Variants in ASTN2 observed in about 807,000 individuals in gnomAD.
ASTN2 encodes astrotactin 2.
Under a neutral mutation model 139.8 loss-of-function variants are expected in ASTN2, and 54 were observed. The ratio of observed to expected loss-of-function variants is 0.39; its 90% CI spans 0.31 to 0.48. The LOEUF (loss-of-function observed/expected upper bound fraction) is 0.48, where lower values mean the gene tolerates loss of function less well. ASTN2 is among the 20% of genes least tolerant of loss of function. The pLI is 0.95. For synonymous variants in ASTN2, 756 were observed against 719.5 expected, an observed-to-expected ratio of 1.05 and a Z score of -0.81; for missense variants, 1,565 against 1,725.1, an observed-to-expected ratio of 0.91 and a Z score of 1.64.
intron 1 of ASTN2, among the ~76,000 whole-genome samples, chr9:117,318,035 T>C (rs1828202939): frequency 6.6e-6 from 1 of 152,208 alleles, no homozygotes; most frequent in South Asian, 2.1e-4. Flanking sequence ...TCCTTCTTTC[T>C]TTTGAACTCC....
intron 3 of ASTN2, among the ~76,000 whole-genome samples, chr9:117,186,829 G>A (rs1831212367): frequency 6.6e-6 from 1 of 152,064 alleles, no homozygotes; most frequent in Non-Finnish European, 1.5e-5. Context: ...GGGTCAAATG[G>A]TGGCAAAAAT....
At chr9:116,833,741 C>T (rs894847454) in intron 11 of ASTN2, among the ~76,000 whole-genome samples, 4 of 152,092 alleles carry the variant, frequency 2.6e-5, no homozygotes, top group African/African-American at 9.7e-5. Context: ...TCTGTTATAT[C>T]TATTATGGGC....
intron 17 of ASTN2, among the ~76,000 whole-genome samples, chr9:116,635,367 C>T (rs1397414440): frequency 2.0e-5 from 3 of 152,126 alleles, no homozygotes; most frequent in Non-Finnish European, 4.4e-5. Context: ...AACCATGGTT[C>T]TCTCTATGAC....
chr9:117,016,610 C>A (rs7467097), intron 6 of ASTN2, among the ~76,000 whole-genome samples: 2,844 of 21,456 alleles, frequency 0.13, 284 homozygotes, highest in African/African-American at 0.2. Context: ...ATATCTATAT[C>A]TATATCTATC....
intron 3 of ASTN2, 118 bp from the exon 4 acceptor site, chr9:117,141,596 A>G (rs1160047741): frequency 1.1e-6 from 1 of 914,100 alleles, no homozygotes; most frequent in African/African-American, 1.8e-5. Flanking sequence ...AGACCTGGCC[A>G]CCCTAATTCC....
intron 19 of ASTN2, among the ~76,000 whole-genome samples, chr9:116,511,489 C>T (rs1850377248): frequency 6.6e-6 from 1 of 152,090 alleles, no homozygotes; most frequent in Non-Finnish European, 1.5e-5. Flanking sequence ...CTCTGCCAGG[C>T]TTTGGTATTA....
chr9:116,724,023 T>A lies in ASTN2; in HGVS notation c.2806+1748A>T, dbSNP rs1272933732. Among the ~76,000 whole-genome samples the A allele has an allele frequency of 2.6e-5, 4 of 152,310 alleles. No homozygotes were observed. In the East Asian group the frequency reaches 7.7e-4, roughly 29 times the overall value. Reference sequence around the variant, plus strand: ...GATCCACCATACAAGGAATGGGATTTTCTGGAATGAGAAAGTCAAGTCTAA... The same window carrying A: ...GATCCACCATACAAGGAATGGGATTATCTGGAATGAGAAAGTCAAGTCTAA... On this transcript the variant is annotated intron_variant, in intron 16 of 22. Coordinates refer to ENST00000313400, the MANE Select transcript of ASTN2 (RefSeq NM_001365068.1).
chr9:117,234,426 C>CAGAT (rs1483340096), intron 2 of ASTN2, among the ~76,000 whole-genome samples: 2 of 152,198 alleles, frequency 1.3e-5, no homozygotes, highest in East Asian at 3.9e-4. Flanking sequence ...CCGTGCTGAA[C>CAGAT]AGATGCTCAA....
At chr9:116,931,938 C>A (rs758030196) in intron 10 of ASTN2, among the ~76,000 whole-genome samples, 1 of 151,894 alleles carries the variant, frequency 6.6e-6, no homozygotes. Context: ...ATAGCAATCA[C>A]AAAGGGATGG....
At chr9:116,540,653 C>G (rs1436131090) in intron 19 of ASTN2, 1 of 152,184 alleles carries the variant, frequency 6.6e-6, no homozygotes, top group Admixed American at 6.5e-5. Context: ...CCACTAATCT[C>G]AAAGAGAGCT....
intron 10 of ASTN2, among the ~76,000 whole-genome samples, chr9:116,940,333 A>C (rs1835189032): frequency 1.3e-5 from 2 of 152,144 alleles, no homozygotes; most frequent in Admixed American, 6.6e-5. Flanking sequence ...TTGTAACTGT[A>C]AGACAACCTC....
intron 16 of ASTN2, among the ~76,000 whole-genome samples, chr9:116,722,729 A>G (rs545805009): frequency 6.6e-6 from 1 of 152,272 alleles, no homozygotes; most frequent in South Asian, 2.1e-4. Flanking sequence ...ACAAATGCTC[A>G]TGGTTGTTAT....
intron 13 of ASTN2, among the ~76,000 whole-genome samples, chr9:116,798,745 T>C (rs1235598534): frequency 6.6e-6 from 1 of 152,200 alleles, no homozygotes; most frequent in Non-Finnish European, 1.5e-5. Flanking sequence ...AGTTTGTTTC[T>C]CACTATGAAA....
chr9:116,765,933 A>G (rs1163309121), intron 13 of ASTN2, among the ~76,000 whole-genome samples: 3 of 152,144 alleles, frequency 2.0e-5, no homozygotes, highest in Admixed American at 1.3e-4. Flanking sequence ...AACATATGCT[A>G]ATTTTATTGG....
intron 3 of ASTN2, among the ~76,000 whole-genome samples, chr9:117,167,779 G>A (rs368709838): frequency 6.6e-6 from 1 of 152,136 alleles, no homozygotes; most frequent in Non-Finnish European, 1.5e-5. Flanking sequence ...TGAATGCCAT[G>A]CACTGCACTG....
At chr9:116,706,190 G>A (rs1398756222) in intron 16 of ASTN2, among the ~76,000 whole-genome samples, 2 of 152,078 alleles carry the variant, frequency 1.3e-5, no homozygotes, top group Admixed American at 6.5e-5. Flanking sequence ...CATTGTCTCA[G>A]AAATACATTT....
chr9:116,612,940 T>A (rs1855626764), intron 19 of ASTN2: 1 of 150,088 alleles, frequency 6.7e-6, no homozygotes, highest in Non-Finnish European at 1.5e-5. Context: ...AGGAGCTGGT[T>A]TTTTGAAAAA....
intron 16 of ASTN2, among the ~76,000 whole-genome samples, chr9:116,658,370 G>T (rs1278023266): frequency 6.6e-6 from 1 of 152,156 alleles, no homozygotes; most frequent in Non-Finnish European, 1.5e-5. Flanking sequence ...AGGTTGCCCA[G>T]TGAAAAATGC....
At chr9:116,576,028 A>G (rs4837641) in intron 19 of ASTN2, among the ~76,000 whole-genome samples, 24,550 of 152,096 alleles carry the variant, frequency 0.16, 2,175 homozygotes, top group African/African-American at 0.22. Flanking sequence ...TAGCAGAATT[A>G]TAAGTTTCAA....
Sources: allele counts gnomAD v4.1 joint callset (sites outside exome capture counted in the v4.1 genomes callset), GRCh38; gene constraint gnomAD v4.1.1; transcripts MANE v1.5; gene names NCBI Gene and HGNC (gene_info 2026-07-23, HGNC 2026-07-21).